DNAH2: variants seen among roughly 807,000 people sequenced by gnomAD.
DNAH2 encodes the protein dynein axonemal heavy chain 2, also known as axonemal beta dynein heavy chain 2.
In DNAH2, 323 loss-of-function variants were observed where a neutral mutation model predicts 523.5. That is an observed-to-expected ratio of 0.62 (90% CI 0.56 to 0.68). DNAH2 has a LOEUF of 0.68. Ranked by LOEUF, DNAH2 falls within the 30% of genes least tolerant of loss-of-function variation. The probability of loss-of-function intolerance (pLI) is 0.00; values close to 1 mark genes in which losing one functional copy is unlikely to be tolerated. For synonymous variants in DNAH2, 2,093 were observed against 2,177.4 expected, an observed-to-expected ratio of 0.96 and a Z score of 1.08; for missense variants, 4,907 against 5,701.5, an observed-to-expected ratio of 0.86 and a Z score of 4.49.
rs370144189 is a variant in DNAH2, at chr17:7,785,976, C to T, written c.6130-148C>T. On this transcript the variant is annotated intron_variant, in intron 39 of 85. Coordinates refer to ENST00000572933, the MANE Select transcript of DNAH2 (RefSeq NM_020877.5). ...TTCAACTCTGCAATGGGCCAGCTTC[C>T]CAATGAGTGAACAGAGCCGGAGTGC... 9.4e-5 allele frequency: 72 copies of T among 769,606 alleles called. 1 individual carries two copies. In the African/African-American group the frequency reaches 1.2e-3, roughly 12 times the overall value. The allele number at this position is 769,606 out of a possible 1,614,324, so 47.7% of individuals were successfully genotyped here. A position where few individuals can be genotyped will look rare whatever the true frequency, so the allele number is the denominator to read the frequency against.
rs1567616745 is a variant in DNAH2 at position 7,737,266 on chromosome 17, T to C, written c.1170+8T>C. Reference sequence around the variant, plus strand: ...ACCTCGCTCTTCCGAAAGGTGTGCATATGCTGAGGGTGGGATGGAGGGGTT... The same window carrying C: ...ACCTCGCTCTTCCGAAAGGTGTGCACATGCTGAGGGTGGGATGGAGGGGTT... On this transcript the variant is annotated splice_region_variant and intron_variant, in intron 8 of 85. Coordinates refer to ENST00000572933, the MANE Select transcript of DNAH2 (RefSeq NM_020877.5). 6.2e-7 allele frequency: 1 copy of C among 1,612,276 alleles called. No individual in the cohort carries two copies. The highest frequency in any genetic ancestry group is 8.5e-7 in the Non-Finnish European group (1 of 1,178,612).
intron 44 of DNAH2, among the ~76,000 whole-genome samples, chr17:7,788,973 T>C (rs914382814): frequency 7.2e-5 from 11 of 152,154 alleles, no homozygotes; most frequent in African/African-American, 2.7e-4. Context: ...GAGACCAGCC[T>C]GGCCAACATG....
intron 9 of DNAH2, 81 bp from the exon 10 acceptor site, chr17:7,740,339 A>G: frequency 6.3e-7 from 1 of 1,584,988 alleles, no homozygotes; most frequent in Non-Finnish European, 8.6e-7. Flanking sequence ...GTCCTCAGCA[A>G]TGCATGGGAT....
chr17:7,738,009 A>G (rs1408300811), intron 8 of DNAH2: 1 of 703,112 alleles, frequency 1.4e-6, no homozygotes. Flanking sequence ...ATCTCCCTGG[A>G]CCGGATCTTT....
intron 63 of DNAH2, among the ~76,000 whole-genome samples, chr17:7,812,979 C>G (rs942195525): frequency 1.1e-4 from 16 of 149,366 alleles, no homozygotes; most frequent in African/African-American, 3.7e-4. Flanking sequence ...AAAATGGATA[C>G]ACCAGGCAAC....
chr17:7,829,304 GCC>G (rs1386558300), intron 77 of DNAH2, among the ~76,000 whole-genome samples: 1 of 152,102 alleles, frequency 6.6e-6, no homozygotes, highest in African/African-American at 2.4e-5. Flanking sequence ...GAGCCAGCGC[GCC>G]TGGCCACACA....
At chr17:7,722,685 G>C (rs1424449553) in intron 2 of DNAH2, among the ~76,000 whole-genome samples, 1 of 152,086 alleles carries the variant, frequency 6.6e-6, no homozygotes, top group African/African-American at 2.4e-5. Context: ...TGTTTTCGAG[G>C]ATCATCCATG....
intron 44 of DNAH2, among the ~76,000 whole-genome samples, chr17:7,791,458 T>C (rs2076895209): frequency 6.6e-6 from 1 of 152,362 alleles, no homozygotes; most frequent in South Asian, 2.1e-4. Flanking sequence ...GAGTTCTGTA[T>C]TACTACACGT....
At chr17:7,825,895 G>A (rs2078004714) in intron 77 of DNAH2, among the ~76,000 whole-genome samples, 1 of 152,206 alleles carries the variant, frequency 6.6e-6, no homozygotes, top group South Asian at 2.1e-4. Flanking sequence ...TTAGAGGCAG[G>A]ATATTTTTTT....
intron 1 of DNAH2, 43 bp from the exon 2 acceptor site, chr17:7,719,678 G>A: frequency 6.2e-7 from 1 of 1,609,224 alleles, no homozygotes; most frequent in Non-Finnish European, 8.5e-7. Context: ...CTGGTTCAGG[G>A]GTGGTATCTG....
intron 15 of DNAH2, 104 bp from the exon 16 acceptor site, chr17:7,759,317 TC>T: frequency 2.0e-6 from 3 of 1,485,770 alleles, no homozygotes; most frequent in Non-Finnish European, 2.7e-6. Flanking sequence ...GTCCTGCGTT[TC>T]CATTAAACCA....
In DNAH2 at chr17:7,780,690, G is replaced by A. The variant is rs1311484364; in HGVS notation, c.5911G>A (p.Asp1971Asn). The A allele has an allele frequency of 3.1e-6, 5 of 1,614,068 alleles. No homozygotes were observed. The African/African-American group carries it at 5.3e-5, about 17-fold the overall frequency. Residue 1971 changes from aspartate (D) to asparagine (N), a missense_variant, in exon 38 of 86, where the codon GAC (aspartate) becomes AAC (asparagine). Transcript: ENST00000572933. The surrounding 1 kb of genome is among the most constrained non-coding windows in gnomAD (Gnocchi z 4.4). ...GGCTGTGCAGCAGCTGTCCAGACAGGACCACTATGACTTTGGCCTGCGTGC... is the reference window on the plus strand; with the variant it reads ...GGCTGTGCAGCAGCTGTCCAGACAGAACCACTATGACTTTGGCCTGCGTGC... ...SLAVQQLSRQ[D>N]HYDFGLRALT...
rs372019022 is a variant in DNAH2, at chr17:7,804,444, G to A, written c.9161G>A (p.Arg3054Gln). 4.0e-5 allele frequency: 64 copies of A among 1,613,688 alleles called. No individual in the cohort carries two copies. The highest frequency in any genetic ancestry group is 4.9e-5 in the Non-Finnish European group (58 of 1,180,030). The change falls in exon 59 of 86, where the codon CGG becomes CAG. Residue 3054 changes from arginine (R) to glutamine (Q), a missense_variant. This residue lies in a region of DNAH2 where 1,851 missense variants were observed against 2,139.4 expected (regional missense o/e 0.87). Transcript: ENST00000572933. ...CTGGTCATCATTGTGCAGCAGAAGC[G>A]GGAGGCAGATGAGCAGCAGAAGGTC... ...EYLVIIVQQK[R>Q]EADEQQKAVT...
rs1442066276 is a variant in DNAH2 at position 7,833,510 on chromosome 17, C to T, written c.13261C>T (p.Leu4421=). Residue 4421 remains leucine, a synonymous_variant, in exon 86 of 86, where the codon CTA becomes TTA. Coordinates refer to ENST00000572933, the MANE Select transcript of DNAH2 (RefSeq NM_020877.5). Reference sequence around the variant, plus strand: ...TCATTGGATCAAGAGGGGCACTGCTCTACTCATGAGCCTGGACAGCTGAGA... The same window carrying T: ...TCATTGGATCAAGAGGGGCACTGCTTTACTCATGAGCCTGGACAGCTGAGA... ...PDHWIKRGTA[L]LMSLDS The T allele has an allele frequency of 1.9e-6, 3 of 1,614,054 alleles. No homozygotes were observed. Among genetic ancestry groups the T allele is most frequent in the Non-Finnish European group, 2.5e-6 (3 of 1,180,042 alleles).
chr17:7,749,308 C>CAAAAAAAAAAAAAAAAAAAAAAAAAAA lies in DNAH2; in HGVS notation c.1904+6180_1904+6206dup, dbSNP rs57660603. Among the ~76,000 whole-genome samples, 60 of 17,766 alleles carry CAAAAAAAAAAAAAAAAAAAAAAAAAAA rather than the reference C, an allele frequency of 3.4e-3. 29 individuals carry two copies. Among genetic ancestry groups the CAAAAAAAAAAAAAAAAAAAAAAAAAAA allele is most frequent in the East Asian group, 6.3e-3 (4 of 638 alleles). 11.7% of individuals were successfully genotyped at this position (17,766 alleles called of 152,430 possible). On this transcript the variant is annotated intron_variant, in intron 12 of 85. Transcript: ENST00000572933. ...GGGCAACAAGAGCTAAACTCCCCCC[C>CAAAAAAAAAAAAAAAAAAAAAAAAAAA]AAAAAAAAAAAAAAAAAAAAAAAAA...
In DNAH2 at chr17:7,743,105, CAGG is replaced by C; in HGVS notation, c.1870_1872del (p.Glu624del). On this transcript the variant is annotated inframe_deletion, in exon 12 of 86. Coordinates refer to ENST00000572933, the MANE Select transcript of DNAH2 (RefSeq NM_020877.5). ...GGATACCCCATTGCTGCGAATCAGC[CAGG>C]AGAAGGCGGGCATGCTGGATGTCAA... is the stretch of plus-strand genomic sequence containing the variant. The C allele has an allele frequency of 6.4e-7, 1 of 1,570,304 alleles. No homozygotes were observed. Among genetic ancestry groups the C allele is most frequent in the Non-Finnish European group, 8.6e-7 (1 of 1,163,028 alleles).
intron 48 of DNAH2, among the ~76,000 whole-genome samples, chr17:7,793,455 CT>C (rs1461952097): frequency 1.2e-5 from 1 of 83,846 alleles, no homozygotes; most frequent in African/African-American, 3.9e-5. Flanking sequence ...CTTTTTCTTT[CT>C]TTCTTTCTTT....
chr17:7,769,414 G>T (rs1346603216), intron 24 of DNAH2, among the ~76,000 whole-genome samples: 1 of 152,102 alleles, frequency 6.6e-6, no homozygotes, highest in Non-Finnish European at 1.5e-5. Flanking sequence ...CGCTCGCCTT[G>T]GCCTCCCAAA....
chr17:7,741,104 T>A, intron 11 of DNAH2, 112 bp downstream of exon 11: 1 of 1,349,322 alleles, frequency 7.4e-7, no homozygotes, highest in Non-Finnish European at 9.9e-7. Context: ...CCTATGTCGG[T>A]GAGGGGAGTG....
Sources: gnomAD v4.1 joint callset for allele counts (sites outside exome capture counted in the v4.1 genomes callset) on GRCh38, gnomAD v4.1.1 for gene constraint, gnomAD v4.1.1 regional missense constraint, Gnocchi (gnomAD v3.1) non-coding constraint, MANE v1.5 for transcripts, NCBI Gene and HGNC (gene_info 2026-07-23, HGNC 2026-07-21) for gene names.